The following USP24 variants were observed in gnomAD, a reference collection of about 807,000 sequenced individuals.
USP24 encodes ubiquitin specific peptidase 24.
In USP24, 97 loss-of-function variants were observed where a neutral mutation model predicts 361.6. The observed-to-expected ratio is 0.27, with a 90% confidence interval of 0.23 to 0.32. The LOEUF (loss-of-function observed/expected upper bound fraction) is 0.32. Ranked by LOEUF, USP24 falls within the 10% of genes least tolerant of loss-of-function variation. The probability of loss-of-function intolerance (pLI) is 1.00; values close to 1 mark genes in which losing one functional copy is unlikely to be tolerated. For synonymous variants in USP24, 1,098 were observed against 1,124.6 expected (o/e 0.98, Z 0.47); for missense variants, 2,353 against 3,165.6 (o/e 0.74, Z 6.16).
At chr1:55,076,942 G>C (rs1205041938) in intron 62 of USP24, among the ~76,000 whole-genome samples, 3 of 152,124 alleles carry the variant, frequency 2.0e-5, no homozygotes, top group African/African-American at 7.2e-5. Context: ...CTCCACTGTA[G>C]GCCCTGGCAG....
At chr1:55,186,284 G>A (rs753468025) in intron 1 of USP24, among the ~76,000 whole-genome samples, 1 of 152,174 alleles carries the variant, frequency 6.6e-6, no homozygotes, top group Non-Finnish European at 1.5e-5. Flanking sequence ...AAAAATGTTG[G>A]TAAGGATGTG....
At chr1:55,112,379 T>C (rs1469259239) in intron 38 of USP24, among the ~76,000 whole-genome samples, 1 of 152,236 alleles carries the variant, frequency 6.6e-6, no homozygotes, top group East Asian at 1.9e-4. Context: ...GTGTCAATTG[T>C]AGATCTTTCC....
rs994939312 is a variant in USP24 at position 55,188,378 on chromosome 1, A to G, written c.325-10246T>C. ...TCATCAAAAATAAAAATTTTTGTGC[A>G]TCAAAAGTCACCATTAAGAAAGTGA... On this transcript the variant is annotated intron_variant, in intron 1 of 67. Coordinates refer to ENST00000294383, the MANE Select transcript of USP24 (RefSeq NM_015306.3). Among the ~76,000 whole-genome samples the G allele has an allele frequency of 3.3e-5, 5 of 152,160 alleles. 1 individual carries two copies. The highest frequency in any genetic ancestry group is 7.4e-5 in the Non-Finnish European group (5 of 68,010).
chr1:55,111,340 CTCG>C (rs1003343518), intron 38 of USP24, among the ~76,000 whole-genome samples: 2 of 152,058 alleles, frequency 1.3e-5, no homozygotes, highest in African/African-American at 4.8e-5. Context: ...TGTTAAAACT[CTCG>C]TCTAATGCTT....
intron 1 of USP24, among the ~76,000 whole-genome samples, chr1:55,200,089 C>G (rs1644531052): frequency 6.6e-6 from 1 of 152,208 alleles, no homozygotes; most frequent in African/African-American, 2.4e-5. Flanking sequence ...CACTGGGTCC[C>G]TCGCACAACA....
At chr1:55,091,214 C>T (rs1328552195) in intron 54 of USP24, among the ~76,000 whole-genome samples, 3 of 152,062 alleles carry the variant, frequency 2.0e-5, no homozygotes, top group South Asian at 2.1e-4. Context: ...GGAACAGGGC[C>T]GCACAGCAGG....
At chr1:55,201,084 A>G (rs1019035058) in intron 1 of USP24, among the ~76,000 whole-genome samples, 10 of 152,250 alleles carry the variant, frequency 6.6e-5, no homozygotes, top group African/African-American at 2.4e-4. Flanking sequence ...ATCTGCCAAA[A>G]GACTACAAAA....
intron 60 of USP24, among the ~76,000 whole-genome samples, 190 bp downstream of exon 60, chr1:55,079,348 C>CT (rs1195893064): frequency 6.6e-6 from 1 of 152,218 alleles, no homozygotes; most frequent in Non-Finnish European, 1.5e-5. Context: ...ACCTGGAGGT[C>CT]TGGACCTTGG....
At chr1:55,212,931 C>T (rs1644883770) in intron 1 of USP24, among the ~76,000 whole-genome samples, 1 of 152,186 alleles carries the variant, frequency 6.6e-6, no homozygotes, top group Non-Finnish European at 1.5e-5. Flanking sequence ...AGAAGCCACT[C>T]CCAATTCTTT....
At chr1:55,156,503 T>A (rs1185726325) in intron 12 of USP24, among the ~76,000 whole-genome samples, 2 of 151,970 alleles carry the variant, frequency 1.3e-5, no homozygotes, top group South Asian at 4.2e-4. Context: ...GAAAAAAAAA[T>A]TGAAGACTAT....
At chr1:55,145,923 G>T in intron 20 of USP24, 75 bp downstream of exon 20, 1 of 1,067,012 alleles carries the variant, frequency 9.4e-7, no homozygotes, top group Non-Finnish European at 1.4e-6. Context: ...CTGAGAAGGA[G>T]GATTAAAAGT....
chr1:55,165,919 T>C lies in USP24; in HGVS notation c.893A>G (p.Gln298Arg). 1 of 1,607,882 alleles carries C rather than the reference T, an allele frequency of 6.2e-7. No homozygotes were observed. Among genetic ancestry groups the C allele is most frequent in the East Asian group, 2.2e-5 (1 of 44,676 alleles). ...FGELGGFAAI[Q>R]AKLHSEDIEL... ...TATATCTTCTGAATGGAGCTTGGCT[T>C]GGATTGCTGCAAATCCACCTAATTC... Residue 298 changes from glutamine (Q) to arginine (R), a missense_variant, in exon 7 of 68, where the codon CAA (glutamine) becomes CGA (arginine). Gln to Arg is a conservative substitution (Grantham distance 43). Coordinates refer to ENST00000294383, the MANE Select transcript of USP24 (RefSeq NM_015306.3).
chr1:55,208,755 G>A (rs1044147920), intron 1 of USP24, among the ~76,000 whole-genome samples: 3 of 151,978 alleles, frequency 2.0e-5, no homozygotes, highest in Admixed American at 1.3e-4. Flanking sequence ...GGCCAACATG[G>A]TGAAACCCCA....
At chr1:55,194,187 G>C (rs1392537634) in intron 1 of USP24, among the ~76,000 whole-genome samples, 1 of 152,134 alleles carries the variant, frequency 6.6e-6, no homozygotes, top group African/African-American at 2.4e-5. Context: ...TAGATAAACA[G>C]CTATCTAGCA....
At position 55,129,583 on chromosome 1, in the gene USP24, CAGATA is replaced by C. The variant is rs1557605699; in HGVS notation, c.3538-14_3538-10del. 3 of 1,608,470 alleles carry C rather than the reference CAGATA, an allele frequency of 1.9e-6. No individual in the cohort carries two copies. The highest frequency in any genetic ancestry group is 2.6e-6 in the Non-Finnish European group (3 of 1,175,874). ...AGTTTGGAGCTTAGAACCTAGGGAA[CAGATA>C]AGCACAATTATTCATCCACACATTT... is the stretch of plus-strand genomic sequence containing the variant. On this transcript the variant is annotated splice_polypyrimidine_tract_variant and intron_variant, in intron 31 of 67. Transcript: ENST00000294383.
intron 30 of USP24, 113 bp from the exon 31 acceptor site, chr1:55,132,813 A>G: frequency 3.7e-6 from 4 of 1,067,624 alleles, no homozygotes; most frequent in South Asian, 4.3e-5. Flanking sequence ...AGCCACACCA[A>G]TGCTATTTTC....
intron 45 of USP24, 116 bp from the exon 46 acceptor site, chr1:55,098,674 A>T: frequency 1.3e-6 from 1 of 743,632 alleles, no homozygotes. Context: ...TTCTGGTAGT[A>T]TCAGCTGTGG....
At chr1:55,133,644 T>TC (rs964623473) in intron 30 of USP24, among the ~76,000 whole-genome samples, 9 of 151,694 alleles carry the variant, frequency 5.9e-5, no homozygotes, top group Admixed American at 5.9e-4. Context: ...CTCTCTTTTT[T>TC]TTTTTTTTTT....
Position 55,154,202 on chromosome 1 carries a change from G to C in USP24, c.1729C>G (p.Leu577Val), listed in dbSNP as rs761927789. The change falls in exon 15 of 68, where the codon CTG becomes GTG. Residue 577 changes from leucine (L) to valine (V), a missense_variant. This residue lies in a region of USP24 where 386 missense variants were observed against 560.5 expected (regional missense o/e 0.69). Transcript: ENST00000294383. ...GCATATGCATCACTAAGGATTGTCA[G>C]GTGCTCCTCCAAGGCCTGCTGAATA... ...SLIQQALEEH[L>V]TILSDAYAVK... The C allele has an allele frequency of 6.2e-7, 1 of 1,613,570 alleles. No homozygotes were observed. Among genetic ancestry groups the C allele is most frequent in the East Asian group, 2.2e-5 (1 of 44,860 alleles).
Sources: allele counts gnomAD v4.1 joint callset (sites outside exome capture counted in the v4.1 genomes callset), GRCh38; gene constraint gnomAD v4.1.1; regional missense constraint gnomAD v4.1.1; transcripts MANE v1.5; gene names NCBI Gene and HGNC (gene_info 2026-07-23, HGNC 2026-07-21).